Variants in PRKDC observed in about 807,000 individuals in gnomAD.
PRKDC encodes the protein protein kinase, DNA-activated, catalytic subunit.
In PRKDC, 82 loss-of-function variants were observed where a neutral mutation model predicts 486.9. That is an observed-to-expected ratio of 0.17 (90% CI 0.14 to 0.20). The LOEUF (loss-of-function observed/expected upper bound fraction) is 0.20. PRKDC is among the 10% of genes least tolerant of loss of function. The probability of loss-of-function intolerance (pLI) is 1.00; values close to 1 mark genes in which losing one functional copy is unlikely to be tolerated. For synonymous variants in PRKDC, 1,895 were observed against 1,837.0 expected (o/e 1.03, Z -0.81); for missense variants, 4,504 against 5,038.2 (o/e 0.89, Z 3.21).
At position 47,832,113 on chromosome 8, in the gene PRKDC, C is replaced by T. The variant is rs552213033; in HGVS notation, c.8153-187G>A. Among the ~76,000 whole-genome samples the T allele has an allele frequency of 4.6e-5, 7 of 152,314 alleles. No individual in the cohort carries two copies. In the East Asian group the frequency reaches 7.7e-4, roughly 17 times the overall value. On this transcript the variant is annotated intron_variant, in intron 59 of 85. Transcript: ENST00000314191. ...CAGCAGTGGATTCAGCAGGCATGAG[C>T]GCTGAACGGGCCAGGCCCCTCCAGA...
chr8:47,889,269 A>G (rs377501173), intron 32 of PRKDC, 47 bp from the exon 33 acceptor site: 202 of 1,493,288 alleles, frequency 1.4e-4, no homozygotes, highest in Middle Eastern at 2.4e-4. Context: ...CAGCACTTCT[A>G]TTTTCACCAA....
At position 47,823,671 on chromosome 8, in the gene PRKDC, T is replaced by C. The variant is rs143672911; in HGVS notation, c.8922+187A>G. 3.3e-5 allele frequency among the ~76,000 whole-genome samples: 5 copies of C among 152,274 alleles called. No homozygotes were observed. In the East Asian group the frequency reaches 9.7e-4, roughly 29 times the overall value. On this transcript the variant is annotated intron_variant, in intron 64 of 85. Coordinates refer to ENST00000314191, the MANE Select transcript of PRKDC (RefSeq NM_006904.7). ...AGCAGAGAAATAATATACAGTTTCA[T>C]AGTATGGTAGGCCCTAACTTAAGTG...
intron 54 of PRKDC, among the ~76,000 whole-genome samples, chr8:47,846,621 TC>T (rs1347737034): frequency 6.6e-6 from 1 of 152,004 alleles, no homozygotes; most frequent in African/African-American, 2.4e-5. Context: ...CTCTCATCAC[TC>T]CTATTCAACA....
rs1464222738 is a variant in PRKDC, at chr8:47,836,620, T to C, written c.7762-93A>G. The C allele has an allele frequency of 2.1e-5, 24 of 1,141,684 alleles. No individual in the cohort carries two copies. In the Admixed American group the frequency reaches 5.1e-4, roughly 24 times the overall value. 70.7% of individuals were successfully genotyped at this position (1,141,684 alleles called of 1,614,324 possible). The stretch of plus-strand genomic sequence containing the variant: ...TGATATATTTCTATTTAAAATCTAA[T>C]GGTACCATCAGCATATTTGTACCAT... On this transcript the variant is annotated intron_variant, in intron 57 of 85. Coordinates refer to ENST00000314191, the MANE Select transcript of PRKDC (RefSeq NM_006904.7).
rs2088721533 is a variant in PRKDC, at chr8:47,863,367, A to G, written c.5750+32T>C. 2.6e-6 allele frequency: 4 copies of G among 1,520,968 alleles called. No individual in the cohort carries two copies. In the Admixed American group the frequency reaches 5.6e-5, roughly 21 times the overall value. The allele number at this position is 1,520,968 out of a possible 1,614,324, so 94.2% of individuals were successfully genotyped here. On this transcript the variant is annotated intron_variant, in intron 42 of 85. Coordinates refer to ENST00000314191, the MANE Select transcript of PRKDC (RefSeq NM_006904.7). ...ATATGTACCCAAAGCATTGATAAAT[A>G]AAATAGAATCCAAAATTAAGTAAAA...
Position 47,841,890 on chromosome 8 carries a change from C to T in PRKDC, c.7281-1701G>A, listed in dbSNP as rs150946685. 4.5e-3 allele frequency among the ~76,000 whole-genome samples: 687 copies of T among 152,314 alleles called. 2 individuals carry two copies. The highest frequency in any genetic ancestry group is 7.2e-3 in the Non-Finnish European group (492 of 68,024). On this transcript the variant is annotated intron_variant, in intron 54 of 85. Transcript: ENST00000314191. ...ACACCAGCAGACTTGGTCAAGGGAA[C>T]GTGAACTGGGCAGTCCCCACAACTG...
chr8:47,864,221 A>T (rs900996195), intron 41 of PRKDC, among the ~76,000 whole-genome samples: 2 of 152,164 alleles, frequency 1.3e-5, no homozygotes, highest in African/African-American at 4.8e-5. Context: ...GGGTGAAACC[A>T]GCACAAGCCA....
At chr8:47,885,358 C>T (rs2089303420) in intron 36 of PRKDC, among the ~76,000 whole-genome samples, 2 of 151,362 alleles carry the variant, frequency 1.3e-5, no homozygotes, top group Admixed American at 6.6e-5. Context: ...TTGCCATGTT[C>T]GCCAGGCTGG....
intron 61 of PRKDC, among the ~76,000 whole-genome samples, chr8:47,829,438 T>C: frequency 6.6e-6 from 1 of 152,180 alleles, no homozygotes; most frequent in Non-Finnish European, 1.5e-5. Context: ...ACTTGAAAAG[T>C]TTACTGTGAA....
intron 58 of PRKDC, among the ~76,000 whole-genome samples, chr8:47,835,713 G>A (rs1368876078): frequency 6.7e-6 from 1 of 148,604 alleles, no homozygotes; most frequent in Non-Finnish European, 1.5e-5. Flanking sequence ...TGGCATTAAG[G>A]ACATTTACGC....
chr8:47,907,588 G>A lies in PRKDC; in HGVS notation c.2935-2612C>T, dbSNP rs190187759. Among the ~76,000 whole-genome samples, 664 of 138,078 alleles carry A rather than the reference G, an allele frequency of 4.8e-3. 6 individuals are homozygous for A. Among genetic ancestry groups the A allele is most frequent in the African/African-American group, 0.017 (628 of 36,252 alleles). The allele number at this position is 138,078 out of a possible 152,430, so 90.6% of individuals were successfully genotyped here. A position where few individuals can be genotyped will look rare whatever the true frequency, so the allele number is the denominator to read the frequency against. On this transcript the variant is annotated intron_variant, in intron 25 of 85. Transcript: ENST00000314191. Reference sequence around the variant, plus strand: ...CTTACTCTGTCACCCAGGCTAGAGCGCAGTGGTGAAATCTGGGCTCACTGC... The same window carrying A: ...CTTACTCTGTCACCCAGGCTAGAGCACAGTGGTGAAATCTGGGCTCACTGC...
At chr8:47,949,928 T>C (rs941810039) in intron 7 of PRKDC, among the ~76,000 whole-genome samples, 2 of 152,212 alleles carry the variant, frequency 1.3e-5, no homozygotes, top group African/African-American at 2.4e-5. Flanking sequence ...TTCAACCTAA[T>C]GGAAGAAAAA....
At chr8:47,857,029 G>T in intron 49 of PRKDC, 127 bp downstream of exon 49, 1 of 1,070,500 alleles carries the variant, frequency 9.3e-7, no homozygotes, top group Non-Finnish European at 1.2e-6. Flanking sequence ...GAGCACACCA[G>T]CAATGTAGCA....
chr8:47,877,607 A>G, intron 40 of PRKDC, 117 bp downstream of exon 40: 1 of 1,090,750 alleles, frequency 9.2e-7, no homozygotes, highest in Non-Finnish European at 1.2e-6. Context: ...AAACTAAAAT[A>G]AAGTTTAGTA....
At chr8:47,803,232 AAAG>A (rs2087146700) in intron 70 of PRKDC, 71 bp downstream of exon 70, 2 of 1,413,608 alleles carry the variant, frequency 1.4e-6, no homozygotes, top group Admixed American at 2.5e-5. Context: ...GATGCAGCAC[AAAG>A]AAGAGGAAGA....
At chr8:47,830,887 G>A (rs564623450) in intron 60 of PRKDC, among the ~76,000 whole-genome samples, 151 bp from the exon 61 acceptor site, 5 of 152,112 alleles carry the variant, frequency 3.3e-5, no homozygotes, top group Non-Finnish European at 4.4e-5. Flanking sequence ...GTACTTTACC[G>A]TCTAGGGCAA....
chr8:47,831,662 G>A (rs554050934), intron 60 of PRKDC, among the ~76,000 whole-genome samples, 152 bp downstream of exon 60: 4 of 152,192 alleles, frequency 2.6e-5, no homozygotes, highest in South Asian at 2.1e-4. Context: ...GCATCCCTGT[G>A]GGGGAGCCCC....
chr8:47,910,583 C>T (rs956199295), intron 25 of PRKDC, among the ~76,000 whole-genome samples: 31 of 152,196 alleles, frequency 2.0e-4, no homozygotes, highest in African/African-American at 7.5e-4. Context: ...ACACAAGACT[C>T]CCTCCAGCGT....
chr8:47,959,221 C>T (rs967018563), intron 1 of PRKDC: 1 of 152,154 alleles, frequency 6.6e-6, no homozygotes, highest in African/African-American at 2.4e-5. Context: ...TAAAAAGAGG[C>T]ACTTTTACTA....
Sources: allele counts gnomAD v4.1 joint callset (sites outside exome capture counted in the v4.1 genomes callset), GRCh38; gene constraint gnomAD v4.1.1; transcripts MANE v1.5; gene names NCBI Gene and HGNC (gene_info 2026-07-23, HGNC 2026-07-21).